UNC5C: variants seen among roughly 807,000 people sequenced by gnomAD.
The protein encoded by UNC5C is unc-5 netrin receptor C.
UNC5C carries 47 observed loss-of-function variants against 99.8 expected under a neutral mutation model. The observed-to-expected ratio is 0.47, with a 90% CI of 0.37 to 0.60. UNC5C has a LOEUF of 0.60. UNC5C is among the 20% of genes least tolerant of loss of function. UNC5C has a pLI of 0.00. For synonymous variants in UNC5C, 487 were observed against 452.2 expected (o/e 1.08, Z -0.98); for missense variants, 1,062 against 1,165.9 (o/e 0.91, Z 1.30).
intron 12 of UNC5C, among the ~76,000 whole-genome samples, chr4:95,194,804 C>G (rs1287910938): frequency 6.6e-6 from 1 of 152,124 alleles, no homozygotes; most frequent in African/African-American, 2.4e-5. Context: ...CTGTAAACAT[C>G]CTTGGGTGGG....
chr4:95,476,457 A>G (rs1382440308), intron 1 of UNC5C, among the ~76,000 whole-genome samples: 1 of 152,088 alleles, frequency 6.6e-6, no homozygotes. Flanking sequence ...TAGATTATAG[A>G]TGAAATATTG....
At chr4:95,483,104 C>T (rs1209250626) in intron 1 of UNC5C, among the ~76,000 whole-genome samples, 1 of 150,170 alleles carries the variant, frequency 6.7e-6, no homozygotes, top group Non-Finnish European at 1.5e-5. Context: ...TTTTCAAGAC[C>T]TTCTGCTAAT....
At position 95,163,522 on chromosome 4, in the gene UNC5C, G is replaced by A. The variant is rs1579186530; in HGVS notation, c.*5712C>T. On this transcript the variant is annotated 3_prime_UTR_variant, in exon 16 of 16. Transcript: ENST00000453304. ...CTGAGGGTTATTCCACCCCGGATCA[G>A]CGCCATCAGGTTCTACAGCTGGTCT... is the stretch of plus-strand genomic sequence containing the variant. 1 of 152,304 alleles carries A rather than the reference G, an allele frequency of 6.6e-6. No individual in the cohort carries two copies. Among genetic ancestry groups the A allele is most frequent in the East Asian group, 1.9e-4 (1 of 5,178 alleles). 9.4% of individuals were successfully genotyped at this position (152,304 alleles called of 1,614,324 possible). A position where few individuals can be genotyped will look rare whatever the true frequency, so the allele number is the denominator to read the frequency against.
intron 1 of UNC5C, among the ~76,000 whole-genome samples, chr4:95,386,819 T>G (rs1745224457): frequency 6.6e-6 from 1 of 152,158 alleles, no homozygotes; most frequent in African/African-American, 2.4e-5. Context: ...CTCTTATGCT[T>G]AATTTAATGT....
intron 1 of UNC5C, among the ~76,000 whole-genome samples, chr4:95,468,311 G>T (rs1001655407): frequency 6.6e-6 from 1 of 151,982 alleles, no homozygotes; most frequent in Admixed American, 6.6e-5. Flanking sequence ...TTCTGGTACT[G>T]CTTCTTCTCT....
chr4:95,276,985 A>G (rs901099078), intron 4 of UNC5C, among the ~76,000 whole-genome samples: 1 of 152,178 alleles, frequency 6.6e-6, no homozygotes, highest in African/African-American at 2.4e-5. Context: ...ATTAATTATT[A>G]TTATTACTAT....
chr4:95,188,005 T>G (rs1410481075), intron 12 of UNC5C, among the ~76,000 whole-genome samples: 1 of 152,200 alleles, frequency 6.6e-6, no homozygotes, highest in Non-Finnish European at 1.5e-5. Flanking sequence ...ATAAATTACA[T>G]ATCTCTATTA....
intron 5 of UNC5C, among the ~76,000 whole-genome samples, chr4:95,250,004 T>A (rs16996454): frequency 0.03 from 4,587 of 152,190 alleles, 223 homozygotes; most frequent in African/African-American, 0.1. Flanking sequence ...AGCATATTCA[T>A]CTTTAGAACT....
chr4:95,517,877 T>A (rs1017839989), intron 1 of UNC5C, among the ~76,000 whole-genome samples: 2 of 152,078 alleles, frequency 1.3e-5, no homozygotes, highest in Non-Finnish European at 2.9e-5. Flanking sequence ...TGATTTAGAT[T>A]TTTTTTTCTC....
chr4:95,229,797 C>CTT (rs71583694), intron 7 of UNC5C, among the ~76,000 whole-genome samples: 4,255 of 79,542 alleles, frequency 0.053, 793 homozygotes, highest in Non-Finnish European at 0.073. Context: ...CTGTTGTTTC[C>CTT]TTTTTTTTTT....
intron 1 of UNC5C, among the ~76,000 whole-genome samples, chr4:95,430,308 G>A (rs1185282501): frequency 2.0e-5 from 3 of 152,032 alleles, no homozygotes; most frequent in Non-Finnish European, 4.4e-5. Flanking sequence ...CAAATTTGCT[G>A]TGAACTTCAA....
intron 2 of UNC5C, among the ~76,000 whole-genome samples, chr4:95,310,685 C>T (rs978308507): frequency 1.3e-5 from 2 of 150,254 alleles, no homozygotes; most frequent in African/African-American, 4.9e-5. Flanking sequence ...CTTTTTATGG[C>T]CATAGTTTTT....
intron 1 of UNC5C, among the ~76,000 whole-genome samples, chr4:95,539,814 G>A (rs1460886882): frequency 6.6e-6 from 1 of 151,960 alleles, no homozygotes; most frequent in Non-Finnish European, 1.5e-5. Flanking sequence ...AAAATGGCAT[G>A]TGTATCTTTC....
At chr4:95,443,213 T>G (rs1747001928) in intron 1 of UNC5C, among the ~76,000 whole-genome samples, 1 of 152,080 alleles carries the variant, frequency 6.6e-6, no homozygotes, top group Non-Finnish European at 1.5e-5. Context: ...AGCAAGAAAG[T>G]CAGTGTCACA....
intron 1 of UNC5C, among the ~76,000 whole-genome samples, chr4:95,349,325 G>A (rs898579886): frequency 8.0e-6 from 1 of 125,074 alleles, no homozygotes; most frequent in African/African-American, 2.7e-5. Context: ...GAGAAAGGGT[G>A]TGTGTGTGTG....
intron 1 of UNC5C, among the ~76,000 whole-genome samples, chr4:95,356,026 C>CA (rs1744171545): frequency 6.6e-6 from 1 of 151,336 alleles, no homozygotes; most frequent in South Asian, 2.1e-4. Context: ...CCTGTATCTA[C>CA]AAAAAATTTA....
intron 1 of UNC5C, among the ~76,000 whole-genome samples, chr4:95,401,932 T>C (rs1355644403): frequency 6.6e-6 from 1 of 152,234 alleles, no homozygotes; most frequent in Admixed American, 6.5e-5. Flanking sequence ...GTGTCAAGGA[T>C]GCCTTTTCGA....
In UNC5C at chr4:95,206,811, G is replaced by A. The variant is rs577914378; in HGVS notation, c.1734-15C>T. 3.2e-6 allele frequency: 5 copies of A among 1,545,860 alleles called. No homozygotes were observed. The South Asian group carries it at 6.2e-5, about 19-fold the overall frequency. On this transcript the variant is annotated splice_polypyrimidine_tract_variant and intron_variant, in intron 10 of 15. Transcript: ENST00000453304. ...CCATGGGTGGCCTAGGAGGAGAGCA[G>A]AGAATGGCTTCAGTGACATTTCCAT...
intron 3 of UNC5C, among the ~76,000 whole-genome samples, chr4:95,279,244 A>G (rs1468896329): frequency 6.6e-6 from 1 of 152,214 alleles, no homozygotes; most frequent in East Asian, 1.9e-4. Flanking sequence ...GTCCCAAGAT[A>G]TCACTACATT....
Sources: allele counts gnomAD v4.1 joint callset (sites outside exome capture counted in the v4.1 genomes callset), GRCh38; gene constraint gnomAD v4.1.1; transcripts MANE v1.5; gene names NCBI Gene and HGNC (gene_info 2026-07-23, HGNC 2026-07-21).